STK32C: variants seen among roughly 807,000 people sequenced by gnomAD.
STK32C encodes the protein serine/threonine-protein kinase 32C.
STK32C carries 31 observed loss-of-function variants against 56.5 expected under a neutral mutation model. The observed-to-expected ratio is 0.55, with a 90% confidence interval of 0.41 to 0.74. STK32C has a LOEUF of 0.74. STK32C is among the 30% of genes least tolerant of loss of function. The pLI is 0.00. For missense variants in STK32C, 544 were observed against 676.9 expected (o/e 0.80, Z 2.18); for synonymous variants, 309 against 289.4 (o/e 1.07, Z -0.69).
chr10:132,225,524 C>T lies in STK32C; in HGVS notation c.772+3G>A, dbSNP rs2062857145. ...CCCATCTGGAACCCCAGCTCGGGCT[C>T]ACCCATGTACGGCTTGGTGCCTGCT... On this transcript the variant is annotated splice_donor_region_variant and intron_variant, in intron 6 of 11. Transcript: ENST00000298630. The T allele has an allele frequency of 1.2e-6, 2 of 1,613,860 alleles. No individual in the cohort carries two copies. The highest frequency in any genetic ancestry group is 1.6e-4 in the Middle Eastern group (1 of 6,062).
At chr10:132,284,502 T>C (rs561599761) in intron 1 of STK32C, among the ~76,000 whole-genome samples, 60 of 150,050 alleles carry the variant, frequency 4.0e-4, no homozygotes, top group Non-Finnish European at 8.2e-4. Flanking sequence ...CCCATGAGGC[T>C]CCACAGGGAC....
At chr10:132,262,452 T>C (rs780265059) in intron 1 of STK32C, among the ~76,000 whole-genome samples, 1 of 152,036 alleles carries the variant, frequency 6.6e-6, no homozygotes, top group Non-Finnish European at 1.5e-5. Flanking sequence ...CTAATTAAGC[T>C]AAAGAGCTTC....
Position 132,208,072 on chromosome 10 carries a change from C to A in STK32C, c.1399G>T (p.Glu467Ter). The A allele has an allele frequency of 7.6e-7, 1 of 1,310,734 alleles. No homozygotes were observed. The highest frequency in any genetic ancestry group is 9.8e-7 in the Non-Finnish European group (1 of 1,021,506). The allele number at this position is 1,310,734 out of a possible 1,614,324, so 81.2% of individuals were successfully genotyped here. Residue 467 changes from glutamate (E) to a stop codon, truncating the protein, a stop_gained, in exon 12 of 12, where the codon GAG becomes TAG. Coordinates refer to ENST00000298630, the MANE Select transcript of STK32C (RefSeq NM_173575.4). LOFTEE classifies it high-confidence loss of function. ...ATGGGCAGGGCGGAGCGTTCCGCCT[C>A]GTCCTCCACAGGCTCCGCAGCATCC... ...SRDAAEPVED[E>*]AERSALPMCG...
chr10:132,331,781 A>G, exon 1 of STK32C: 12 of 1,608,022 alleles, frequency 7.5e-6, no homozygotes, highest in Non-Finnish European at 1.0e-5. Context: ...TCGCCCCTCC[A>G]GACCCTCGCG....
intron 10 of STK32C, among the ~76,000 whole-genome samples, chr10:132,217,525 G>A (rs2062509451): frequency 6.6e-6 from 1 of 152,198 alleles, no homozygotes; most frequent in Admixed American, 6.5e-5. Flanking sequence ...GTTCTGAAAT[G>A]TGAGGACATG....
chr10:132,234,164 C>T (rs915155097), intron 2 of STK32C, among the ~76,000 whole-genome samples: 9 of 152,200 alleles, frequency 5.9e-5, no homozygotes, highest in Non-Finnish European at 1.0e-4. Context: ...CTACTCCCAG[C>T]TCTCCTCGCC....
At chr10:132,321,240 T>C (rs1353116050), downstream of STK32C, among the ~76,000 whole-genome samples, 1 of 152,144 alleles carries the variant, frequency 6.6e-6, no homozygotes. Flanking sequence ...GAGACACCCA[T>C]AGAATAGATG....
At chr10:132,302,638 A>G (rs1305869656) in intron 1 of STK32C, among the ~76,000 whole-genome samples, 2 of 152,070 alleles carry the variant, frequency 1.3e-5, no homozygotes, top group African/African-American at 4.8e-5. Flanking sequence ...GGCCACACAG[A>G]GAGCCCCCAC....
intron 2 of STK32C, among the ~76,000 whole-genome samples, chr10:132,231,892 C>T (rs573393292): frequency 2.6e-5 from 4 of 152,356 alleles, no homozygotes; most frequent in South Asian, 2.1e-4. Context: ...GGTCCTCCCA[C>T]GGAGCCGCCC....
At chr10:132,283,468 G>A (rs2065278736) in intron 1 of STK32C, among the ~76,000 whole-genome samples, 1 of 152,228 alleles carries the variant, frequency 6.6e-6, no homozygotes, top group African/African-American at 2.4e-5. Flanking sequence ...ACTGGGAGGA[G>A]GGTGTCATGG....
chr10:132,240,143 G>T (rs2063450873), intron 2 of STK32C, among the ~76,000 whole-genome samples: 1 of 152,110 alleles, frequency 6.6e-6, no homozygotes, highest in African/African-American at 2.4e-5. Context: ...GCTGACTCAA[G>T]CCGCCTGGGT....
At chr10:132,232,507 G>T (rs138753011) in intron 2 of STK32C, among the ~76,000 whole-genome samples, 1 of 152,206 alleles carries the variant, frequency 6.6e-6, no homozygotes, top group East Asian at 1.9e-4. Context: ...ACTGGAAACC[G>T]GCGGCCTTTT....
rs554828156 is a variant in STK32C at position 132,297,424 on chromosome 10, C to G, written c.262+10148G>C. Among the ~76,000 whole-genome samples the G allele has an allele frequency of 6.3e-4, 96 of 152,324 alleles. No individual in the cohort carries two copies. The South Asian group carries it at 0.018, about 28-fold the overall frequency. On this transcript the variant is annotated intron_variant, in intron 1 of 11. Coordinates refer to ENST00000298630, the MANE Select transcript of STK32C (RefSeq NM_173575.4). ...TTGCCACCTACAATTCCCAGCCCCA[C>G]CAGGGGCCACGCCAGCCCCGGTACT...
chr10:132,253,635 G>GGAGCTGGAGGGAGTCGAGA (rs2064002661), intron 1 of STK32C, among the ~76,000 whole-genome samples: 3 of 151,596 alleles, frequency 2.0e-5, no homozygotes, highest in Non-Finnish European at 4.4e-5. Context: ...GGGAGCTGAG[G>GGAGCTGGAGGGAGTCGAGA]GAGCTGGAGG....
chr10:132,315,075 G>A (rs181376206), intron 1 of STK32C, among the ~76,000 whole-genome samples: 49 of 152,260 alleles, frequency 3.2e-4, no homozygotes, highest in Admixed American at 2.9e-3. Flanking sequence ...CGGAAGTTGC[G>A]GTGAGCAGAG....
intron 1 of STK32C, among the ~76,000 whole-genome samples, chr10:132,327,659 G>A (rs182132638): frequency 0.01 from 1,592 of 152,054 alleles, 24 homozygotes; most frequent in African/African-American, 0.036. Flanking sequence ...TATTTTTAGT[G>A]GAGATGGGGG....
chr10:132,212,174 G>T (rs533412691), intron 10 of STK32C, among the ~76,000 whole-genome samples: 7 of 152,218 alleles, frequency 4.6e-5, no homozygotes, highest in African/African-American at 1.7e-4. Flanking sequence ...CAAAACTGGG[G>T]GATTCACAGA....
chr10:132,233,733 G>T (rs1320535592), intron 2 of STK32C, among the ~76,000 whole-genome samples: 1 of 152,230 alleles, frequency 6.6e-6, no homozygotes, highest in Non-Finnish European at 1.5e-5. Context: ...GGCCAGGCAG[G>T]GGCACTCAGC....
intron 1 of STK32C, chr10:132,249,129 G>A (rs1480041292): frequency 2.2e-6 from 1 of 453,418 alleles, no homozygotes; most frequent in East Asian, 6.9e-5. Context: ...GCGGGGCTGT[G>A]GCGTCAGGGC....
Sources: gnomAD v4.1 joint callset for allele counts (sites outside exome capture counted in the v4.1 genomes callset) on GRCh38, gnomAD v4.1.1 for gene constraint, MANE v1.5 for transcripts, NCBI Gene and HGNC (gene_info 2026-07-23, HGNC 2026-07-21) for gene names.